SEMA3E: variants seen among roughly 807,000 people sequenced by gnomAD.
The protein encoded by SEMA3E is semaphorin 3E.
A neutral mutation model predicts 93.6 loss-of-function variants in SEMA3E; 49 were observed. The observed-to-expected ratio is 0.52, with a 90% confidence interval of 0.42 to 0.66. The LOEUF (loss-of-function observed/expected upper bound fraction) is 0.66. Among genes scored for constraint, SEMA3E ranks in the 30% least tolerant of loss-of-function variants. The probability of loss-of-function intolerance (pLI) is 0.00; values close to 1 mark genes in which losing one functional copy is unlikely to be tolerated. For missense variants in SEMA3E, 906 were observed against 964.8 expected, an observed-to-expected ratio of 0.94 and a Z score of 0.81; for synonymous variants, 363 against 330.7, an observed-to-expected ratio of 1.10 and a Z score of -1.06.
intron 4 of SEMA3E, among the ~76,000 whole-genome samples, chr7:83,436,799 T>C (rs1220100520): frequency 6.6e-6 from 1 of 152,190 alleles, no homozygotes. Flanking sequence ...GAAGCCAATA[T>C]GGTATAAGAA....
intron 1 of SEMA3E, among the ~76,000 whole-genome samples, chr7:83,620,783 A>G (rs1562858519): frequency 6.6e-6 from 1 of 152,162 alleles, no homozygotes; most frequent in African/African-American, 2.4e-5. Flanking sequence ...GGCCTTTGAT[A>G]AAATTCAACA....
chr7:83,502,412 G>A (rs1409808894), intron 1 of SEMA3E, among the ~76,000 whole-genome samples: 1 of 152,022 alleles, frequency 6.6e-6, no homozygotes, highest in Admixed American at 6.6e-5. Context: ...CTCAGCCCTG[G>A]TGTTGCTCCA....
intron 1 of SEMA3E, among the ~76,000 whole-genome samples, chr7:83,535,161 T>G (rs2115740724): frequency 6.6e-6 from 1 of 152,326 alleles, no homozygotes; most frequent in Admixed American, 6.5e-5. Context: ...TTTAACTTCC[T>G]ATCTATTTTT....
rs534509145 is a variant in SEMA3E, at chr7:83,562,553, C to T, written c.116-72279G>A. Among the ~76,000 whole-genome samples the T allele has an allele frequency of 7.9e-4, 120 of 151,472 alleles. 1 individual carries two copies. The Middle Eastern group carries it at 0.01, about 13-fold the overall frequency. On this transcript the variant is annotated intron_variant, in intron 1 of 16. Coordinates refer to ENST00000643230, the MANE Select transcript of SEMA3E (RefSeq NM_012431.3). ...ACCACTATATCAAGAGCGCTATCTTCTAAAGTAATATCCTCCCCTAGCTAT... is the reference window on the plus strand; with the variant it reads ...ACCACTATATCAAGAGCGCTATCTTTTAAAGTAATATCCTCCCCTAGCTAT...
chr7:83,637,380 C>A (rs1793900306), intron 1 of SEMA3E, among the ~76,000 whole-genome samples: 1 of 152,164 alleles, frequency 6.6e-6, no homozygotes, highest in African/African-American at 2.4e-5. Flanking sequence ...AGAAGCTGAA[C>A]AAATACTTAT....
chr7:83,488,540 C>T (rs764944071), intron 2 of SEMA3E, among the ~76,000 whole-genome samples: 26 of 152,138 alleles, frequency 1.7e-4, no homozygotes, highest in Non-Finnish European at 3.1e-4. Flanking sequence ...CAAGTGGTTT[C>T]AACCTAGAAT....
rs545102413 is a variant in SEMA3E at position 83,610,073 on chromosome 7, T to A, written c.115+38355A>T. 1.5e-4 allele frequency among the ~76,000 whole-genome samples: 23 copies of A among 152,148 alleles called. No homozygotes were observed. The East Asian group carries it at 4.4e-3, about 29-fold the overall frequency. ...AACTACAAAGAAATTGTGAAAACAA[T>A]GTTTTAAATACCTGAGACAAATAAA... On this transcript the variant is annotated intron_variant, in intron 1 of 16. Coordinates refer to ENST00000643230, the MANE Select transcript of SEMA3E (RefSeq NM_012431.3).
At chr7:83,416,774 C>A (rs1405164559) in intron 5 of SEMA3E, among the ~76,000 whole-genome samples, 4 of 151,744 alleles carry the variant, frequency 2.6e-5, no homozygotes, top group Non-Finnish European at 5.9e-5. Flanking sequence ...AAGAAAAATT[C>A]ACTAACAACT....
intron 1 of SEMA3E, among the ~76,000 whole-genome samples, chr7:83,628,332 C>T (rs1019532224): frequency 2.6e-5 from 4 of 152,016 alleles, no homozygotes; most frequent in Admixed American, 6.6e-5. Flanking sequence ...TGAATGTTGG[C>T]CTGTCTTACT....
intron 5 of SEMA3E, among the ~76,000 whole-genome samples, chr7:83,414,709 A>C (rs998384505): frequency 6.6e-6 from 1 of 152,134 alleles, no homozygotes; most frequent in Non-Finnish European, 1.5e-5. Flanking sequence ...TTTGAAAAGC[A>C]TCCCTAAAAA....
At chr7:83,476,606 A>G (rs1450388794) in intron 2 of SEMA3E, among the ~76,000 whole-genome samples, 1 of 152,338 alleles carries the variant, frequency 6.6e-6, no homozygotes, top group Non-Finnish European at 1.5e-5. Flanking sequence ...TCAGGTGACA[A>G]TATATGGCAA....
At chr7:83,503,062 C>T (rs1293249579) in intron 1 of SEMA3E, among the ~76,000 whole-genome samples, 1 of 147,682 alleles carries the variant, frequency 6.8e-6, no homozygotes, top group African/African-American at 2.5e-5. Context: ...GCAGTGAATG[C>T]AAATTTCCCT....
At chr7:83,501,938 T>C (rs1283334283) in intron 1 of SEMA3E, among the ~76,000 whole-genome samples, 1 of 152,164 alleles carries the variant, frequency 6.6e-6, no homozygotes, top group Non-Finnish European at 1.5e-5. Flanking sequence ...CAAATTTTTG[T>C]CTTCTATCTT....
chr7:83,403,426 A>C (rs1460388784), intron 9 of SEMA3E, among the ~76,000 whole-genome samples: 6 of 151,978 alleles, frequency 3.9e-5, no homozygotes, highest in Non-Finnish European at 7.4e-5. Flanking sequence ...GGAAAGCAAA[A>C]AAATTTTCTT....
At chr7:83,589,554 T>C (rs1792710939) in intron 1 of SEMA3E, among the ~76,000 whole-genome samples, 1 of 152,118 alleles carries the variant, frequency 6.6e-6, no homozygotes, top group Admixed American at 6.6e-5. Flanking sequence ...GAATCACAGA[T>C]TTAAACCACA....
At chr7:83,431,757 T>A (rs182812896) in intron 4 of SEMA3E, among the ~76,000 whole-genome samples, 1 of 152,194 alleles carries the variant, frequency 6.6e-6, no homozygotes, top group African/African-American at 2.4e-5. Context: ...TTTTTGGCAA[T>A]TGGTGTTAAT....
chr7:83,489,728 A>AT (rs1486302298), intron 2 of SEMA3E, among the ~76,000 whole-genome samples: 1 of 113,482 alleles, frequency 8.8e-6, no homozygotes, highest in Non-Finnish European at 1.9e-5. Flanking sequence ...TGAGGTAGTT[A>AT]TATCGAGGCC....
intron 12 of SEMA3E, among the ~76,000 whole-genome samples, chr7:83,395,617 A>C (rs970823321): frequency 1.5e-4 from 23 of 152,112 alleles, no homozygotes; most frequent in African/African-American, 5.3e-4. Flanking sequence ...AGTGTAAATA[A>C]ATATCTTTTT....
intron 1 of SEMA3E, among the ~76,000 whole-genome samples, chr7:83,626,629 C>T (rs1160794706): frequency 6.6e-6 from 1 of 152,004 alleles, no homozygotes; most frequent in Non-Finnish European, 1.5e-5. Context: ...AGCAGATTAT[C>T]TATTTTGTTA....
Sources: allele counts gnomAD v4.1 joint callset (sites outside exome capture counted in the v4.1 genomes callset), GRCh38; gene constraint gnomAD v4.1.1; transcripts MANE v1.5; gene names NCBI Gene and HGNC (gene_info 2026-07-23, HGNC 2026-07-21).